The following NMNAT2 variants were observed in gnomAD, a reference collection of about 807,000 sequenced individuals.
NMNAT2 encodes the protein nicotinamide/nicotinic acid mononucleotide adenylyltransferase 2.
A neutral mutation model predicts 41.6 loss-of-function variants in NMNAT2; 11 were observed. The observed-to-expected ratio is 0.26, with a 90% confidence interval of 0.17 to 0.44. NMNAT2 has a LOEUF of 0.44. Among genes scored for constraint, NMNAT2 ranks in the 20% least tolerant of loss-of-function variants. NMNAT2 has a pLI of 1.00. For synonymous variants in NMNAT2, 148 were observed against 151.2 expected (o/e 0.98, Z 0.16); for missense variants, 288 against 407.7 (o/e 0.71, Z 2.53).
intron 1 of NMNAT2, among the ~76,000 whole-genome samples, chr1:183,302,281 C>A (rs1661874356): frequency 6.6e-6 from 1 of 152,140 alleles, no homozygotes; most frequent in Non-Finnish European, 1.5e-5. Flanking sequence ...CGGGCCACAG[C>A]ATATACTTTG....
chr1:183,274,973 G>A (rs556826340), intron 8 of NMNAT2, among the ~76,000 whole-genome samples: 5 of 152,178 alleles, frequency 3.3e-5, no homozygotes, highest in Admixed American at 6.5e-5. Context: ...AAACCTCAGA[G>A]GAGAACGGGC....
chr1:183,326,213 TA>T, intron 1 of NMNAT2, among the ~76,000 whole-genome samples: 1 of 151,810 alleles, frequency 6.6e-6, no homozygotes, highest in Admixed American at 6.6e-5. Context: ...CTGCCTGTAC[TA>T]AAAATACAAA....
chr1:183,372,833 T>G (rs1663578402), intron 1 of NMNAT2, among the ~76,000 whole-genome samples: 5 of 152,260 alleles, frequency 3.3e-5, no homozygotes, highest in African/African-American at 1.2e-4. Context: ...AATTCAGCTC[T>G]GATGCCATGT....
chr1:183,307,314 T>C lies in NMNAT2; in HGVS notation c.86-13521A>G, dbSNP rs376458459. On this transcript the variant is annotated intron_variant, in intron 1 of 10. Coordinates refer to ENST00000287713, the MANE Select transcript of NMNAT2 (RefSeq NM_015039.4). ...GAAACCAAACAAAGGGTTCTTTTTT[T>C]TTTTTTTTTGAGATGGAGTTTGGTT... Among the ~76,000 whole-genome samples the C allele has an allele frequency of 2.2e-3, 340 of 152,122 alleles. 2 individuals carry two copies. The highest frequency in any genetic ancestry group is 7.9e-3 in the African/African-American group (329 of 41,506).
chr1:183,370,892 C>A (rs200781752), intron 1 of NMNAT2, among the ~76,000 whole-genome samples: 2 of 152,168 alleles, frequency 1.3e-5, no homozygotes, highest in African/African-American at 4.8e-5. Flanking sequence ...CCCACTATAG[C>A]CCCAGAGCCT....
intron 10 of NMNAT2, among the ~76,000 whole-genome samples, chr1:183,260,539 C>T (rs956967278): frequency 1.4e-4 from 21 of 152,242 alleles, no homozygotes; most frequent in African/African-American, 4.8e-4. Context: ...TGGCTGGGGC[C>T]GGGCACAGTG....
intron 1 of NMNAT2, among the ~76,000 whole-genome samples, chr1:183,298,703 C>T (rs1351459836): frequency 6.6e-6 from 1 of 152,132 alleles, no homozygotes; most frequent in Non-Finnish European, 1.5e-5. Flanking sequence ...AAGATGCTGA[C>T]AATCCTGAAT....
At chr1:183,311,485 G>T (rs958486973) in intron 1 of NMNAT2, among the ~76,000 whole-genome samples, 1 of 152,196 alleles carries the variant, frequency 6.6e-6, no homozygotes, top group East Asian at 1.9e-4. Flanking sequence ...CACTGGGAAG[G>T]TTATTTTCTC....
In NMNAT2 at chr1:183,307,055, GA is replaced by G. The variant is rs79262593; in HGVS notation, c.86-13263del. Among the ~76,000 whole-genome samples the G allele has an allele frequency of 3.2e-3, 475 of 149,150 alleles. 8 individuals carry two copies. The East Asian group carries it at 0.059, about 18-fold the overall frequency. On this transcript the variant is annotated intron_variant, in intron 1 of 10. Transcript: ENST00000287713. ...GACAAAGAAAACTCAAAAACTCTTTGAAAAAAAAAATGTGCAGCTTGCCAAT... is the reference window on the plus strand; with the variant it reads ...GACAAAGAAAACTCAAAAACTCTTTGAAAAAAAAATGTGCAGCTTGCCAAT...
intron 1 of NMNAT2, among the ~76,000 whole-genome samples, chr1:183,366,510 C>T (rs905536226): frequency 3.3e-5 from 5 of 152,120 alleles, no homozygotes; most frequent in South Asian, 4.1e-4. Context: ...CAGTCCTTGA[C>T]CTTGCCAGCA....
rs1333644487 is a variant in NMNAT2 at position 183,251,491 on chromosome 1, CCT to C, written c.*1148_*1149del. The stretch of plus-strand genomic sequence containing the variant: ...AAAGACCTCCAGGGTTGAGTGGACT[CCT>C]AGTGTTTTTTTGTTTTGTTTTGTTT... On this transcript the variant is annotated 3_prime_UTR_variant, in exon 11 of 11. Coordinates refer to ENST00000287713, the MANE Select transcript of NMNAT2 (RefSeq NM_015039.4). 6.6e-6 allele frequency: 1 copy of C among 152,302 alleles called. No individual in the cohort carries two copies. Among genetic ancestry groups the C allele is most frequent in the African/African-American group, 2.4e-5 (1 of 41,442 alleles). The allele number at this position is 152,302 out of a possible 1,614,324, so 9.4% of individuals were successfully genotyped here.
intron 1 of NMNAT2, among the ~76,000 whole-genome samples, chr1:183,343,934 C>T (rs1261695616): frequency 6.6e-6 from 1 of 152,152 alleles, no homozygotes; most frequent in African/African-American, 2.4e-5. Context: ...AACATCCCTA[C>T]TTTCTTTAAA....
chr1:183,381,913 G>T (rs76019105), intron 1 of NMNAT2, among the ~76,000 whole-genome samples: 2,873 of 152,254 alleles, frequency 0.019, 63 homozygotes, highest in African/African-American at 0.053. Context: ...CACATAGCTG[G>T]TAAAGAACAG....
At chr1:183,404,892 G>C (rs1648911662) in intron 1 of NMNAT2, among the ~76,000 whole-genome samples, 1 of 152,160 alleles carries the variant, frequency 6.6e-6, no homozygotes. Flanking sequence ...TGTAAAGGCA[G>C]GTCAGATAGA....
intron 1 of NMNAT2, among the ~76,000 whole-genome samples, chr1:183,396,381 GACAGAAAAC>G (rs1241878441): frequency 6.6e-6 from 1 of 152,110 alleles, no homozygotes; most frequent in East Asian, 1.9e-4. Context: ...TCTCCCAGTA[GACAGAAAAC>G]ACCTGAAGGT....
At chr1:183,332,227 G>A (rs578183842) in intron 1 of NMNAT2, among the ~76,000 whole-genome samples, 1 of 152,204 alleles carries the variant, frequency 6.6e-6, no homozygotes, top group East Asian at 1.9e-4. Context: ...CACAAAGCCA[G>A]TGGGCCTTTT....
At chr1:183,285,417 T>C (rs1279905480) in intron 5 of NMNAT2, among the ~76,000 whole-genome samples, 1 of 152,214 alleles carries the variant, frequency 6.6e-6, no homozygotes, top group Non-Finnish European at 1.5e-5. Flanking sequence ...ATGCAGATGG[T>C]CTTCAGAATC....
At chr1:183,392,615 G>A (rs1238591757) in intron 1 of NMNAT2, among the ~76,000 whole-genome samples, 2 of 152,204 alleles carry the variant, frequency 1.3e-5, no homozygotes, top group East Asian at 1.9e-4. Flanking sequence ...CATCCACTAT[G>A]TCTCTAATCC....
chr1:183,254,678 C>A lies in NMNAT2; in HGVS notation c.822-1935G>T, dbSNP rs139519575. On this transcript the variant is annotated intron_variant, in intron 10 of 10. Coordinates refer to ENST00000287713, the MANE Select transcript of NMNAT2 (RefSeq NM_015039.4). ...TCTGGAACTCCTGGCCTCAGGCAAT[C>A]TTTCCACCTCAGCCTCCCAGCGTGC... Among the ~76,000 whole-genome samples the A allele has an allele frequency of 2.6e-5, 4 of 152,324 alleles. No individual in the cohort carries two copies. The East Asian group carries it at 7.7e-4, about 29-fold the overall frequency.
Sources: gnomAD v4.1 joint callset for allele counts (sites outside exome capture counted in the v4.1 genomes callset) on GRCh38, gnomAD v4.1.1 for gene constraint, MANE v1.5 for transcripts, NCBI Gene and HGNC (gene_info 2026-07-23, HGNC 2026-07-21) for gene names.